The following SLC22A25 variants were observed in gnomAD, a reference collection of about 807,000 sequenced individuals.
SLC22A25 encodes the protein solute carrier family 22 member 25.
Under a neutral mutation model 45.9 loss-of-function variants are expected in SLC22A25, and 44 were observed. The observed-to-expected ratio is 0.96, with a 90% CI of 0.75 to 1.23. The LOEUF is 1.23. Among genes scored for constraint, SLC22A25 ranks in the 50% most tolerant of loss-of-function variants. The probability of loss-of-function intolerance (pLI) is 0.00; values close to 1 mark genes in which losing one functional copy is unlikely to be tolerated. For missense variants in SLC22A25, 800 were observed against 666.4 expected (o/e 1.20, Z -2.21); for synonymous variants, 283 against 238.6 (o/e 1.19, Z -1.72).
In SLC22A25 at chr11:63,238,998, A is replaced by C. The variant is rs2090206782; in HGVS notation, c.-858T>G. 5.9e-6 allele frequency: 1 copy of C among 168,264 alleles called. No homozygotes were observed. The highest frequency in any genetic ancestry group is 1.3e-5 in the Non-Finnish European group (1 of 75,422). 10.4% of individuals were successfully genotyped at this position (168,264 alleles called of 1,614,324 possible). A position where few individuals can be genotyped will look rare whatever the true frequency, so the allele number is the denominator to read the frequency against. ...AGTGGTGACCAGGATGAATGCAGTG[A>C]AATTCTCCATACAACACGAGGGCAA... On this transcript the variant is annotated 5_prime_UTR_variant, in exon 2 of 12. Transcript: ENST00000306494.
chr11:63,228,089 T>C (rs2089997568), intron 5 of SLC22A25, among the ~76,000 whole-genome samples: 1 of 152,252 alleles, frequency 6.6e-6, no homozygotes, highest in Non-Finnish European at 1.5e-5. Flanking sequence ...GATCATTCAC[T>C]TGATTTTTGG....
intron 7 of SLC22A25, among the ~76,000 whole-genome samples, chr11:63,200,376 A>C (rs767951876): frequency 2.6e-5 from 4 of 151,008 alleles, no homozygotes; most frequent in Non-Finnish European, 5.9e-5. Context: ...AATTTGATTC[A>C]TCACATAAAC....
chr11:63,168,054 A>C, intron 9 of SLC22A25: 1 of 233,678 alleles, frequency 4.3e-6, no homozygotes, highest in South Asian at 4.1e-5. Context: ...AGCAAACTCC[A>C]GCAGACCTGC....
Position 63,239,883 on chromosome 11 carries a change from A to T in SLC22A25, c.-995-748T>A, listed in dbSNP as rs115243665. 7.3e-3 allele frequency among the ~76,000 whole-genome samples: 1,117 copies of T among 152,284 alleles called. 13 individuals are homozygous for T. The highest frequency in any genetic ancestry group is 0.026 in the African/African-American group (1,074 of 41,562). On this transcript the variant is annotated intron_variant, in intron 1 of 11. Transcript: ENST00000306494. ...TAAGGTCTTCAAGGTTCTTATAGTG[A>T]GTAAGGGATAGGTACTTAAATATTC...
intron 7 of SLC22A25, among the ~76,000 whole-genome samples, chr11:63,215,252 A>C (rs2089680648): frequency 1.3e-5 from 2 of 152,222 alleles, no homozygotes; most frequent in African/African-American, 4.8e-5. Context: ...TTATGCAGCC[A>C]TAAAAAAGGA....
chr11:63,195,384 C>A (rs769265245), intron 7 of SLC22A25, among the ~76,000 whole-genome samples: 25 of 152,070 alleles, frequency 1.6e-4, no homozygotes, highest in African/African-American at 6.0e-4. Flanking sequence ...TGTAAAAGAA[C>A]AGAAATCACA....
At position 63,229,757 on chromosome 11, in the gene SLC22A25, G is replaced by C. The variant is rs1236859949; in HGVS notation, c.-105C>G. On this transcript the variant is annotated 5_prime_UTR_variant, in exon 4 of 12. The change creates a new upstream start codon in the 5' untranslated region. Coordinates refer to ENST00000306494, the MANE Select transcript of SLC22A25 (RefSeq NM_199352.6). ...TTAAATCACACTAAGTGTGTGTGTT[G>C]ATCCTGACCCCACTCTCTTCTTAAT... 8.4e-7 allele frequency: 1 copy of C among 1,186,228 alleles called. No individual in the cohort carries two copies. 73.5% of individuals were successfully genotyped at this position (1,186,228 alleles called of 1,614,324 possible).
rs1216301849 is a variant in SLC22A25, at chr11:63,167,877, C to G, written c.1071-1619G>C. ...ACCTGTGCCTCCTGACTGGGAGACA[C>G]TTCCCAGCAGGGGTCAACAGACACT... On this transcript the variant is annotated intron_variant, in intron 9 of 11. Coordinates refer to ENST00000306494, the MANE Select transcript of SLC22A25 (RefSeq NM_199352.6). The G allele has an allele frequency of 3.1e-5, 9 of 286,080 alleles. No homozygotes were observed. The Admixed American group carries it at 3.2e-4, about 10-fold the overall frequency. The allele number at this position is 286,080 out of a possible 1,614,324, so 17.7% of individuals were successfully genotyped here.
At chr11:63,184,663 C>T (rs948599640) in intron 7 of SLC22A25, among the ~76,000 whole-genome samples, 10 of 152,240 alleles carry the variant, frequency 6.6e-5, no homozygotes, top group East Asian at 3.9e-4. Context: ...CATCCAATAT[C>T]ACCTACGACA....
At chr11:63,202,477 C>G (rs2089277103) in intron 7 of SLC22A25, among the ~76,000 whole-genome samples, 1 of 152,120 alleles carries the variant, frequency 6.6e-6, no homozygotes. Context: ...GGAAGGGTGT[C>G]CAACATTACT....
intron 9 of SLC22A25, among the ~76,000 whole-genome samples, chr11:63,178,277 C>A (rs1466080490): frequency 1.3e-5 from 2 of 152,092 alleles, no homozygotes; most frequent in Non-Finnish European, 2.9e-5. Context: ...CTGCAAAAAA[C>A]ATAGAAGTGC....
chr11:63,181,927 C>G (rs1249831031), intron 8 of SLC22A25, among the ~76,000 whole-genome samples: 1 of 152,018 alleles, frequency 6.6e-6, no homozygotes, highest in Non-Finnish European at 1.5e-5. Flanking sequence ...AACTATCTCT[C>G]AGTTATGTGT....
Position 63,163,788 on chromosome 11 carries a change from A to G in SLC22A25, c.*36T>C. 1 of 1,572,192 alleles carries G rather than the reference A, an allele frequency of 6.4e-7. No individual in the cohort carries two copies. On this transcript the variant is annotated 3_prime_UTR_variant, in exon 12 of 12. Transcript: ENST00000306494. ...GATCTAAGCCTTTTTGGGGGATGGT[A>G]GCCCTAAATGGTGTTTTGCTTTCCT...
chr11:63,216,293 C>T (rs902616741), intron 7 of SLC22A25, among the ~76,000 whole-genome samples: 1 of 152,060 alleles, frequency 6.6e-6, no homozygotes, highest in African/African-American at 2.4e-5. Flanking sequence ...ATTCATTCGA[C>T]CATTGTGGAA....
At chr11:63,204,545 A>G (rs2089342618) in intron 7 of SLC22A25, among the ~76,000 whole-genome samples, 1 of 152,218 alleles carries the variant, frequency 6.6e-6, no homozygotes, top group Admixed American at 6.5e-5. Flanking sequence ...AAACCAAAAA[A>G]GATCAAAAAA....
At chr11:63,220,905 C>G (rs183191792) in intron 5 of SLC22A25, among the ~76,000 whole-genome samples, 14 of 152,280 alleles carry the variant, frequency 9.2e-5, no homozygotes, top group Admixed American at 9.2e-4. Context: ...GCTTATTTCA[C>G]TCAACATAAT....
At chr11:63,199,664 C>A (rs2089175731) in intron 7 of SLC22A25, among the ~76,000 whole-genome samples, 2 of 152,034 alleles carry the variant, frequency 1.3e-5, no homozygotes. Context: ...GCCTGCCCAG[C>A]TACTTAGGTC....
chr11:63,240,159 C>T (rs1018319126), intron 1 of SLC22A25, among the ~76,000 whole-genome samples: 3 of 152,034 alleles, frequency 2.0e-5, no homozygotes, highest in Admixed American at 1.3e-4. Flanking sequence ...TGTACCTAAA[C>T]GTATCTAAAC....
intron 7 of SLC22A25, among the ~76,000 whole-genome samples, chr11:63,213,908 C>T (rs1195040443): frequency 1.3e-5 from 2 of 152,160 alleles, no homozygotes; most frequent in Non-Finnish European, 2.9e-5. Context: ...ACTCGGTAGT[C>T]GAGGCTCAAG....
Sources: allele counts gnomAD v4.1 joint callset (sites outside exome capture counted in the v4.1 genomes callset), GRCh38; gene constraint gnomAD v4.1.1; transcripts MANE v1.5; gene names NCBI Gene and HGNC (gene_info 2026-07-23, HGNC 2026-07-21).